The following PIAS3 variants were observed in gnomAD, a reference collection of about 807,000 sequenced individuals.
PIAS3 encodes the protein E3 SUMO-protein ligase PIAS3.
A neutral mutation model predicts 67.6 loss-of-function variants in PIAS3; 34 were observed. That is an observed-to-expected ratio of 0.50 (90% CI 0.38 to 0.67). The LOEUF (loss-of-function observed/expected upper bound fraction) is 0.67, where lower values mean the gene tolerates loss of function less well. PIAS3 is among the 30% of genes least tolerant of loss of function. The pLI is 0.00. For missense variants in PIAS3, 693 were observed against 791.6 expected, an observed-to-expected ratio of 0.88 and a Z score of 1.49; for synonymous variants, 341 against 313.8, an observed-to-expected ratio of 1.09 and a Z score of -0.92.
chr1:145,850,259 T>C lies in PIAS3; in HGVS notation c.1593A>G (p.Leu531=), dbSNP rs201259915. The part of the protein sequence containing the change: ...PLGADIQGLD[L]FSFLQTESQH... ...GACTCTCTGTCTGAAGAAATGAAAA[T>C]AAATCTAAACCTGGCAGGAAAAGAA... The change falls in exon 13 of 14, where the codon TTA becomes TTG. Residue 531 remains leucine, a synonymous_variant. Coordinates refer to ENST00000393045, the MANE Select transcript of PIAS3 (RefSeq NM_006099.3). 1.9e-6 allele frequency: 3 copies of C among 1,614,072 alleles called. No homozygotes were observed. The highest frequency in any genetic ancestry group is 2.7e-5 in the African/African-American group (2 of 75,012).
rs1553733931 is a variant in PIAS3 at position 145,850,482 on chromosome 1, G to T, written c.1553C>A (p.Pro518His). Residue 518 changes from proline to histidine, a missense_variant, in exon 12 of 14, where the codon CCT becomes CAT. Pro to His is a moderately conservative substitution (Grantham distance 77). Around this residue, in one of 3 missense-constraint regions of PIAS3, gnomAD observed 270 missense variants for 261.0 expected, o/e 1.03. Transcript: ENST00000393045. ...LSSLPLHEYP[P>H]AFPLGADIQG... ...GATGTCGGCTCCCAGTGGGAAGGCA[G>T]GTGGGTACTCATGTAGTGGGAGACT... 1.9e-6 allele frequency: 3 copies of T among 1,614,206 alleles called. No individual in the cohort carries two copies. In the South Asian group the frequency reaches 3.3e-5, roughly 18 times the overall value.
intron 9 of PIAS3, among the ~76,000 whole-genome samples, chr1:145,852,626 T>G (rs1653008885): frequency 3.3e-5 from 5 of 151,922 alleles, no homozygotes; most frequent in Admixed American, 3.3e-4. Context: ...GGTCTCAATC[T>G]GTTGCCCAGG....
At chr1:145,857,247 T>G in intron 1 of PIAS3, 2 of 543,476 alleles carry the variant, frequency 3.7e-6, no homozygotes, top group East Asian at 3.1e-5. Flanking sequence ...GCAACACTAT[T>G]TCCCCAGGCC....
intron 5 of PIAS3, 113 bp downstream of exon 5, chr1:145,855,622 CT>C: frequency 1.5e-6 from 1 of 685,000 alleles, no homozygotes; most frequent in Non-Finnish European, 2.6e-6. Flanking sequence ...AACTGAGCAC[CT>C]ACTATGTGCC....
At chr1:145,852,103 G>T (rs144312774) in intron 9 of PIAS3, among the ~76,000 whole-genome samples, 2 of 152,106 alleles carry the variant, frequency 1.3e-5, no homozygotes, top group Non-Finnish European at 2.9e-5. Context: ...ATAAATAAAG[G>T]CACTAGGGGC....
chr1:145,849,201 AG>A lies in PIAS3; in HGVS notation c.*244del, dbSNP rs1195784663. 1 of 355,226 alleles carries A rather than the reference AG, an allele frequency of 2.8e-6. No homozygotes were observed. The highest frequency in any genetic ancestry group is 5.0e-6 in the Non-Finnish European group (1 of 199,506). The allele number at this position is 355,226 out of a possible 1,614,324, so 22.0% of individuals were successfully genotyped here. A position where few individuals can be genotyped will look rare whatever the true frequency, so the allele number is the denominator to read the frequency against. On this transcript the variant is annotated 3_prime_UTR_variant, in exon 14 of 14. Transcript: ENST00000393045. Reference sequence around the variant, plus strand: ...CCACTGCCTAGGTTAACATACCCAAAGGAATGTGCCACCATCTAAAGAACAT... The same window carrying A: ...CCACTGCCTAGGTTAACATACCCAAAGAATGTGCCACCATCTAAAGAACAT...
intron 5 of PIAS3, among the ~76,000 whole-genome samples, chr1:145,855,312 T>C (rs924623057): frequency 2.6e-5 from 4 of 151,930 alleles, no homozygotes; most frequent in African/African-American, 7.3e-5. Context: ...TAAAACTCCG[T>C]CTCTACTAAA....
intron 9 of PIAS3, among the ~76,000 whole-genome samples, chr1:145,853,255 C>T (rs1426823965): frequency 6.6e-6 from 1 of 151,658 alleles, no homozygotes; most frequent in Non-Finnish European, 1.5e-5. Context: ...ACTAAAAATA[C>T]AAAAATTAGC....
chr1:145,853,522 T>C lies in PIAS3; in HGVS notation c.1127A>G (p.Glu376Gly), dbSNP rs781872343. ...CPVCDKKAPYESLIIDGLFME... is the reference protein window; with the variant it reads ...CPVCDKKAPYGSLIIDGLFME... ...GCCCTACCCATCAATGATAAGAGAT[T>C]CATAGGGAGCCTTCTTGTCACACAC... Residue 376 changes from glutamate to glycine, a missense_variant, in exon 9 of 14, where the codon GAA becomes GGA. Transcript: ENST00000393045. The C allele has an allele frequency of 6.2e-7, 1 of 1,612,324 alleles. No individual in the cohort carries two copies. Among genetic ancestry groups the C allele is most frequent in the East Asian group, 2.2e-5 (1 of 44,848 alleles).
rs782521271 is a variant in PIAS3 at position 145,853,813 on chromosome 1, C to T, written c.984G>A (p.Pro328=). 16 of 1,613,824 alleles carry T rather than the reference C, an allele frequency of 9.9e-6. No individual in the cohort carries two copies. The highest frequency in any genetic ancestry group is 1.4e-5 in the Non-Finnish European group (16 of 1,179,756). ...TTSLRVSLMC[P]LGKMRLTVPC... is the part of the protein sequence containing the mutation. ...TGTTCCCTTCTCCCCTTTTACCCACCGGGCACATGAGTGACACCCGGAGAC... is the reference window on the plus strand; with the variant it reads ...TGTTCCCTTCTCCCCTTTTACCCACTGGGCACATGAGTGACACCCGGAGAC... Residue 328 remains proline (P), a splice_region_variant and synonymous_variant, in exon 8 of 14, where the codon CCG becomes CCA. Coordinates refer to ENST00000393045, the MANE Select transcript of PIAS3 (RefSeq NM_006099.3).
intron 9 of PIAS3, among the ~76,000 whole-genome samples, chr1:145,852,027 GA>G (rs1652984970): frequency 6.6e-6 from 1 of 151,178 alleles, no homozygotes; most frequent in Non-Finnish European, 1.5e-5. Flanking sequence ...CAGAGACACA[GA>G]AGTCCATAAA....
At chr1:145,850,156 G>A (rs1652898270) in intron 13 of PIAS3, 76 bp downstream of exon 13, 6 of 1,607,594 alleles carry the variant, frequency 3.7e-6, no homozygotes, top group Non-Finnish European at 5.1e-6. Flanking sequence ...GAGATCATAA[G>A]AGAGGGAGGG....
Position 145,853,815 on chromosome 1 carries a change from G to A in PIAS3, c.982C>T (p.Pro328Ser). Reference sequence around the variant, plus strand: ...TTCCCTTCTCCCCTTTTACCCACCGGGCACATGAGTGACACCCGGAGACTT... The same window carrying A: ...TTCCCTTCTCCCCTTTTACCCACCGAGCACATGAGTGACACCCGGAGACTT... ...TTSLRVSLMC[P>S]LGKMRLTVPC... The change falls in exon 8 of 14, where the codon CCG (proline) becomes TCG (serine). Residue 328 changes from proline (P) to serine (S), a missense_variant and splice_region_variant. By Grantham distance (74) the Pro-to-Ser change is moderately conservative. Around this residue, in one of 3 missense-constraint regions of PIAS3, gnomAD observed 115 missense variants for 181.8 expected, o/e 0.63. Transcript: ENST00000393045. 6.2e-7 allele frequency: 1 copy of A among 1,613,850 alleles called. No homozygotes were observed. Among genetic ancestry groups the A allele is most frequent in the Non-Finnish European group, 8.5e-7 (1 of 1,179,832 alleles).
chr1:145,850,728 T>C, intron 11 of PIAS3, 43 bp downstream of exon 11: 1 of 1,609,036 alleles, frequency 6.2e-7, no homozygotes, highest in South Asian at 1.1e-5. Flanking sequence ...CCTGACTTCT[T>C]CCCCTGTCCG....
intron 9 of PIAS3, chr1:145,851,355 T>G (rs1652956966): frequency 3.4e-6 from 2 of 592,858 alleles, no homozygotes; most frequent in Non-Finnish European, 6.0e-6. Context: ...TAATAGGTTT[T>G]AAAATAAATA....
chr1:145,853,819 C>T lies in PIAS3; in HGVS notation c.978G>A (p.Met326Ile), dbSNP rs1553734888. ...VATTSLRVSL[M>I]CPLGKMRLTV... ...CTTCTCCCCTTTTACCCACCGGGCA[C>T]ATGAGTGACACCCGGAGACTTGTAG... The change falls in exon 8 of 14, where the codon ATG (methionine) becomes ATA (isoleucine). Residue 326 changes from methionine (M) to isoleucine (I), a missense_variant. Physicochemically the swap from Met to Ile is conservative, Grantham distance 10. Around this residue, in one of 3 missense-constraint regions of PIAS3, gnomAD observed 115 missense variants for 181.8 expected, o/e 0.63. Transcript: ENST00000393045. 6.2e-7 allele frequency: 1 copy of T among 1,613,966 alleles called. No homozygotes were observed. The highest frequency in any genetic ancestry group is 1.1e-5 in the South Asian group (1 of 91,078).
chr1:145,849,505 G>T lies in PIAS3; in HGVS notation c.1828C>A (p.Pro610Thr), dbSNP rs1553733561. 2 of 1,549,682 alleles carry T rather than the reference G, an allele frequency of 1.3e-6. No homozygotes were observed. Among genetic ancestry groups the T allele is most frequent in the East Asian group, 2.3e-5 (1 of 43,242 alleles). The part of the protein sequence containing the change: ...GGALREGHGG[P>T]LPSGPSLTGC... Reference sequence around the variant, plus strand: ...GTCAAAGAGGGACCTGAGGGCAGGGGTCCTCCATGCCCCTCCCTCAAGGCC... The same window carrying T: ...GTCAAAGAGGGACCTGAGGGCAGGGTTCCTCCATGCCCCTCCCTCAAGGCC... Residue 610 changes from proline (P) to threonine (T), a missense_variant, in exon 14 of 14, where the codon CCC becomes ACC. Transcript: ENST00000393045.
In PIAS3 at chr1:145,857,022, G is replaced by C; in HGVS notation, c.25-16C>G. 8.7e-6 allele frequency: 14 copies of C among 1,610,850 alleles called. No homozygotes were observed. Among genetic ancestry groups the C allele is most frequent in the Non-Finnish European group, 1.2e-5 (14 of 1,177,744 alleles). On this transcript the variant is annotated splice_polypyrimidine_tract_variant and intron_variant, in intron 1 of 13. Coordinates refer to ENST00000393045, the MANE Select transcript of PIAS3 (RefSeq NM_006099.3). ...TCACCATGTGCTGTGGAGAAAAACA[G>C]AGAAGCTTGAGCATCCTCCCTTGCA...
intron 9 of PIAS3, 24 bp from the exon 10 acceptor site, chr1:145,851,177 T>C: frequency 6.2e-7 from 1 of 1,612,160 alleles, no homozygotes; most frequent in Non-Finnish European, 8.5e-7. Context: ...GAGATGAAAA[T>C]TCACGGGGCT....
Sources: allele counts gnomAD v4.1 joint callset (sites outside exome capture counted in the v4.1 genomes callset), GRCh38; gene constraint gnomAD v4.1.1; regional missense constraint gnomAD v4.1.1; transcripts MANE v1.5; gene names NCBI Gene and HGNC (gene_info 2026-07-23, HGNC 2026-07-21).